Variants in CATSPERE observed in about 807,000 individuals in gnomAD.
CATSPERE encodes the protein catsper channel auxiliary subunit epsilon.
In CATSPERE, 93 loss-of-function variants were observed where a neutral mutation model predicts 114.1. That is an observed-to-expected ratio of 0.81 (90% CI 0.69 to 0.97). The LOEUF (loss-of-function observed/expected upper bound fraction) is 0.97, where lower values mean the gene tolerates loss of function less well. Among genes scored for constraint, CATSPERE ranks in the 50% least tolerant of loss-of-function variants. The probability of loss-of-function intolerance (pLI) is 0.00; values close to 1 mark genes in which losing one functional copy is unlikely to be tolerated. For synonymous variants in CATSPERE, 341 were observed against 384.1 expected, an observed-to-expected ratio of 0.89 and a Z score of 1.31; for missense variants, 1,058 against 1,131.6, an observed-to-expected ratio of 0.93 and a Z score of 0.93.
chr1:244,629,083 TCAAGAGAACTGTTACTTGCC>T (rs1673572115), intron 20 of CATSPERE, among the ~76,000 whole-genome samples: 1 of 152,222 alleles, frequency 6.6e-6, no homozygotes, highest in African/African-American at 2.4e-5. Context: ...GAGCGGTTTC[TCAAGAGAACTGTTACTTGCC>T]CAAGAGTACT....
chr1:244,624,788 C>T (rs373319650), intron 20 of CATSPERE, among the ~76,000 whole-genome samples: 3 of 150,818 alleles, frequency 2.0e-5, no homozygotes, highest in Admixed American at 6.6e-5. Context: ...GGCGACAGAG[C>T]GAGAGTCCAT....
At chr1:244,552,250 A>G (rs560783896) in intron 8 of CATSPERE, 72 bp from the exon 9 acceptor site, 101 of 1,496,852 alleles carry the variant, frequency 6.7e-5, no homozygotes, top group Non-Finnish European at 8.8e-5. Flanking sequence ...TTTAAAGATG[A>G]TAGATATCAA....
At chr1:244,510,783 G>T (rs895278817) in intron 7 of CATSPERE, among the ~76,000 whole-genome samples, 1 of 148,440 alleles carries the variant, frequency 6.7e-6, no homozygotes, top group East Asian at 2.0e-4. Flanking sequence ...TATATATCTG[G>T]GTGTGTTGAG....
chr1:244,461,599 C>T (rs1170054359), intron 1 of CATSPERE, 105 bp downstream of exon 1: 11 of 899,096 alleles, frequency 1.2e-5, no homozygotes, highest in Middle Eastern at 3.0e-4. Flanking sequence ...GACCGCTCGC[C>T]CTGGCCGACC....
chr1:244,574,856 A>C (rs1235739453), intron 11 of CATSPERE, among the ~76,000 whole-genome samples: 2 of 152,214 alleles, frequency 1.3e-5, no homozygotes, highest in Admixed American at 1.3e-4. Flanking sequence ...AAATTATACA[A>C]TATTTCTTGC....
chr1:244,620,652 T>C (rs1270918902), intron 20 of CATSPERE, among the ~76,000 whole-genome samples: 2 of 152,170 alleles, frequency 1.3e-5, no homozygotes, highest in East Asian at 1.9e-4. Flanking sequence ...ATGACAGATT[T>C]AGTGTTCAGG....
intron 8 of CATSPERE, among the ~76,000 whole-genome samples, chr1:244,537,609 G>C (rs1680567080): frequency 6.6e-6 from 1 of 152,158 alleles, no homozygotes; most frequent in Non-Finnish European, 1.5e-5. Flanking sequence ...ATTGGGCCTG[G>C]TGCTTTGTTT....
chr1:244,639,939 A>G lies in CATSPERE; in HGVS notation c.2714A>G (p.Tyr905Cys), dbSNP rs1381096106. The G allele has an allele frequency of 9.1e-6, 14 of 1,544,476 alleles. No individual in the cohort carries two copies. In the East Asian group the frequency reaches 3.2e-4, roughly 35 times the overall value. The change falls in exon 22 of 22, where the codon TAC (tyrosine) becomes TGC (cysteine). Residue 905 changes from tyrosine (Y) to cysteine (C), a missense_variant. By Grantham distance (194) the Tyr-to-Cys change is radical (BLOSUM62 -2). This residue lies in a region of CATSPERE where 787 missense variants were observed against 905.6 expected (regional missense o/e 0.87). Coordinates refer to ENST00000366534, the MANE Select transcript of CATSPERE (RefSeq NM_001130957.2). ...TTTTCTGATTTCAGTCCAAGTGTCT[A>G]CCTGGTAGCTTCTTTCCTCTTCGTC... The part of the protein sequence containing the change: ...TFGLIPSPSV[Y>C]LVASFLFVLM...
chr1:244,620,786 T>C (rs1671987904), intron 20 of CATSPERE, among the ~76,000 whole-genome samples: 2 of 151,248 alleles, frequency 1.3e-5, no homozygotes, highest in African/African-American at 4.9e-5. Context: ...ATTCATTAGA[T>C]CCTATTGGAG....
At chr1:244,506,913 C>T (rs1399237207) in intron 7 of CATSPERE, among the ~76,000 whole-genome samples, 2 of 152,164 alleles carry the variant, frequency 1.3e-5, no homozygotes, top group South Asian at 2.1e-4. Flanking sequence ...CCACCACCCC[C>T]ACCAGCCTTC....
At chr1:244,552,926 T>C (rs937621385) in intron 9 of CATSPERE, 112 bp downstream of exon 9, 1 of 506,008 alleles carries the variant, frequency 2.0e-6, no homozygotes, top group Admixed American at 4.7e-5. Flanking sequence ...CTTTGCCCAG[T>C]TGTTTTATCT....
rs1012587615 is a variant in CATSPERE, at chr1:244,504,595, C to T, written c.429+5516C>T. On this transcript the variant is annotated intron_variant, in intron 7 of 21. Transcript: ENST00000366534. The surrounding 1 kb of genome is among the most constrained non-coding windows in gnomAD (Gnocchi z 4.1). Reference sequence around the variant, plus strand: ...TGTGACAGTTTCTAGACTTTCATGGCTTTTGATGCCCTTGGAAATGTTGAG... The same window carrying T: ...TGTGACAGTTTCTAGACTTTCATGGTTTTTGATGCCCTTGGAAATGTTGAG... Among the ~76,000 whole-genome samples, 34 of 152,286 alleles carry T rather than the reference C, an allele frequency of 2.2e-4. No homozygotes were observed. The highest frequency in any genetic ancestry group is 8.2e-4 in the African/African-American group (34 of 41,568).
chr1:244,484,175 A>G (rs534950648), intron 5 of CATSPERE, among the ~76,000 whole-genome samples: 33 of 152,320 alleles, frequency 2.2e-4, no homozygotes, highest in Non-Finnish European at 3.4e-4. Flanking sequence ...GAACAAAACT[A>G]CATTATCCTT....
At chr1:244,574,868 T>C (rs1190236369) in intron 11 of CATSPERE, among the ~76,000 whole-genome samples, 1 of 152,256 alleles carries the variant, frequency 6.6e-6, no homozygotes, top group African/African-American at 2.4e-5. Flanking sequence ...ATTTCTTGCA[T>C]AAATTCCCTT....
Position 244,477,924 on chromosome 1 carries a change from G to A in CATSPERE, c.207G>A (p.Leu69=), listed in dbSNP as rs781171580. The change falls in exon 4 of 22, where the codon TTG becomes TTA. Residue 69 remains leucine (L), a synonymous_variant. Coordinates refer to ENST00000366534, the MANE Select transcript of CATSPERE (RefSeq NM_001130957.2). ...ACACTAGCTCACCCACGACAGAATT[G>A]CGTTGTTCCTCACCTGGTGTTCACG... is the stretch of plus-strand genomic sequence containing the variant. ...VLNKSSPTTE[L]RCSSPGVHAI... is the part of the protein sequence containing the mutation. 1 of 1,608,396 alleles carries A rather than the reference G, an allele frequency of 6.2e-7. No individual in the cohort carries two copies. The highest frequency in any genetic ancestry group is 2.2e-5 in the East Asian group (1 of 44,648).
At chr1:244,515,849 G>T (rs1386680902) in intron 7 of CATSPERE, among the ~76,000 whole-genome samples, 2 of 149,598 alleles carry the variant, frequency 1.3e-5, no homozygotes, top group Non-Finnish European at 3.0e-5. Context: ...ATACTATTTA[G>T]TATATTTTAA....
At chr1:244,508,208 A>AT (rs905790427) in intron 7 of CATSPERE, among the ~76,000 whole-genome samples, 1 of 149,356 alleles carries the variant, frequency 6.7e-6, no homozygotes, top group Non-Finnish European at 1.5e-5. Context: ...TTCCTAGGTA[A>AT]TTTTTTTTGT....
Position 244,502,708 on chromosome 1 carries a change from A to G in CATSPERE, c.429+3629A>G, listed in dbSNP as rs186405930. 2.1e-3 allele frequency among the ~76,000 whole-genome samples: 313 copies of G among 152,282 alleles called. 6 individuals carry two copies. The highest frequency in any genetic ancestry group is 0.014 in the Admixed American group (209 of 15,284). On this transcript the variant is annotated intron_variant, in intron 7 of 21. Transcript: ENST00000366534. Reference sequence around the variant, plus strand: ...TTCATTTTTGGAGGTGATGCCAGGAAATAAGAGTGGAGGACCAGGAAAAGT... The same window carrying G: ...TTCATTTTTGGAGGTGATGCCAGGAGATAAGAGTGGAGGACCAGGAAAAGT...
At chr1:244,547,178 T>C (rs919607631) in intron 8 of CATSPERE, among the ~76,000 whole-genome samples, 3 of 152,096 alleles carry the variant, frequency 2.0e-5, no homozygotes, top group East Asian at 1.9e-4. Flanking sequence ...TGGGATGATA[T>C]ATTCATATTC....
Sources: gnomAD v4.1 joint callset for allele counts (sites outside exome capture counted in the v4.1 genomes callset) on GRCh38, gnomAD v4.1.1 for gene constraint, gnomAD v4.1.1 regional missense constraint, Gnocchi (gnomAD v3.1) non-coding constraint, MANE v1.5 for transcripts, NCBI Gene and HGNC (gene_info 2026-07-23, HGNC 2026-07-21) for gene names.